The following GRIN1 variants were observed in gnomAD, a reference collection of about 807,000 sequenced individuals.
The protein encoded by GRIN1 is glutamate receptor ionotropic, NMDA 1.
A neutral mutation model predicts 103.0 loss-of-function variants in GRIN1; 38 were observed. The observed-to-expected ratio is 0.37, with a 90% CI of 0.28 to 0.48. The LOEUF (loss-of-function observed/expected upper bound fraction) is 0.48. Among genes scored for constraint, GRIN1 ranks in the 20% least tolerant of loss-of-function variants. The pLI, the probability that GRIN1 is intolerant of heterozygous loss-of-function variation, is 0.98. For synonymous variants in GRIN1, 544 were observed against 532.7 expected, an observed-to-expected ratio of 1.02 and a Z score of -0.29; for missense variants, 577 against 1,288.9, an observed-to-expected ratio of 0.45 and a Z score of 8.46.
At position 137,158,532 on chromosome 9, in the gene GRIN1, G is replaced by A. The variant is rs776292152; in HGVS notation, c.1113+9G>A. 1 of 1,612,300 alleles carries A rather than the reference G, an allele frequency of 6.2e-7. No individual in the cohort carries two copies. The highest frequency in any genetic ancestry group is 1.7e-5 in the Admixed American group (1 of 60,026). On this transcript the variant is annotated intron_variant, in intron 7 of 19. Transcript: ENST00000371561. Reference sequence around the variant, plus strand: ...TCTACAATGGCACCCACGTAGGTGGGGGTCATGAGGGGGTGGGGGCTGGGG... The same window carrying A: ...TCTACAATGGCACCCACGTAGGTGGAGGTCATGAGGGGGTGGGGGCTGGGG...
Position 137,163,788 on chromosome 9 carries a change from G to A in GRIN1, c.2473G>A (p.Val825Met), listed in dbSNP as rs1197590974. 1.2e-6 allele frequency: 2 copies of A among 1,613,706 alleles called. No homozygotes were observed. The highest frequency in any genetic ancestry group is 1.7e-6 in the Non-Finnish European group (2 of 1,179,974). Reference sequence around the variant, plus strand: ...CTTCATGCTGGTAGCTGGGGGCATCGTGGCCGGGATCTTCCTGATTTTCAT... The same window carrying A: ...CTTCATGCTGGTAGCTGGGGGCATCATGGCCGGGATCTTCCTGATTTTCAT... ...GVFMLVAGGIVAGIFLIFIEI... is the reference protein window; with the variant it reads ...GVFMLVAGGIMAGIFLIFIEI... The change falls in exon 18 of 20, where the codon GTG (valine) becomes ATG (methionine). Residue 825 changes from valine to methionine, a missense_variant. Physicochemically the swap from Val to Met is conservative, Grantham distance 21. Around this residue, in one of 9 missense-constraint regions of GRIN1, gnomAD observed 13 missense variants for 100.3 expected, o/e 0.13. Coordinates refer to ENST00000371561, the MANE Select transcript of GRIN1 (RefSeq NM_007327.4).
chr9:137,141,440 A>G (rs1832156111), intron 1 of GRIN1, among the ~76,000 whole-genome samples: 1 of 152,194 alleles, frequency 6.6e-6, no homozygotes, highest in South Asian at 2.1e-4. Flanking sequence ...CTTGAGGATG[A>G]GGCCAGCACT....
At position 137,168,437 on chromosome 9, in the gene GRIN1, C is replaced by A. The variant is rs982176245; in HGVS notation, c.*910C>A. ...TCCTCCAGACTCGAGAGGGCTGAGC[C>A]CCTCCTCTCCTCGTCCGGCCTGCAG... is the stretch of plus-strand genomic sequence containing the variant. On this transcript the variant is annotated 3_prime_UTR_variant, in exon 20 of 20. Transcript: ENST00000371561. 57 of 187,564 alleles carry A rather than the reference C, an allele frequency of 3.0e-4. No individual in the cohort carries two copies. Among genetic ancestry groups the A allele is most frequent in the Non-Finnish European group, 4.3e-5 (4 of 92,876 alleles). The allele number at this position is 187,564 out of a possible 1,614,324, so 11.6% of individuals were successfully genotyped here.
At chr9:137,149,787 C>T (rs916022997) in intron 4 of GRIN1, among the ~76,000 whole-genome samples, 2 of 152,196 alleles carry the variant, frequency 1.3e-5, no homozygotes, top group Admixed American at 6.5e-5. Context: ...GCCAAAACCC[C>T]ACTGTCCCTG....
chr9:137,168,740 T>C lies in GRIN1; in HGVS notation c.*1213T>C, dbSNP rs1203509009. The C allele has an allele frequency of 3.8e-6, 3 of 791,142 alleles. No individual in the cohort carries two copies. Among genetic ancestry groups the C allele is most frequent in the Non-Finnish European group, 5.0e-6 (3 of 596,596 alleles). The allele number at this position is 791,142 out of a possible 1,614,324, so 49.0% of individuals were successfully genotyped here. ...TCCCGGTGTATGCAGTGGTGATGCC[T>C]AAAGGAATGTCACGCAGTTTTCGGT... is the stretch of plus-strand genomic sequence containing the variant. On this transcript the variant is annotated 3_prime_UTR_variant, in exon 20 of 20. Coordinates refer to ENST00000371561, the MANE Select transcript of GRIN1 (RefSeq NM_007327.4).
At position 137,168,241 on chromosome 9, in the gene GRIN1, CG is replaced by C. The variant is rs1438480848; in HGVS notation, c.*717del. On this transcript the variant is annotated 3_prime_UTR_variant, in exon 20 of 20. Coordinates refer to ENST00000371561, the MANE Select transcript of GRIN1 (RefSeq NM_007327.4). ...CCCAGCTGGCTGGGTCGCCCCTCCT[CG>C]GGCGCCTGCGCTCCTCTGCAGCCTG... 15 of 289,282 alleles carry C rather than the reference CG, an allele frequency of 5.2e-5. No homozygotes were observed. The highest frequency in any genetic ancestry group is 3.6e-4 in the Admixed American group (7 of 19,574). The allele number at this position is 289,282 out of a possible 1,614,324, so 17.9% of individuals were successfully genotyped here.
rs374007612 is a variant in GRIN1 at position 137,143,125 on chromosome 9, G to A, written c.393+978G>A. Among the ~76,000 whole-genome samples, 225 of 152,354 alleles carry A rather than the reference G, an allele frequency of 1.5e-3. 1 individual carries two copies. The highest frequency in any genetic ancestry group is 4.7e-3 in the African/African-American group (196 of 41,578). ...AGGGGACATCCAGTTTGGTGCCAGC[G>A]CTGAGGAGCCAGAGGGCTGGGCTGT... is the stretch of plus-strand genomic sequence containing the variant. On this transcript the variant is annotated intron_variant, in intron 2 of 19. Transcript: ENST00000371561.
chr9:137,161,193 C>T lies in GRIN1; in HGVS notation c.1335C>T (p.Gly445=), dbSNP rs370360183. The T allele has an allele frequency of 6.8e-6, 11 of 1,610,086 alleles. No homozygotes were observed. Among genetic ancestry groups the T allele is most frequent in the Admixed American group, 1.7e-5 (1 of 59,734 alleles). Residue 445 remains glycine (G), a synonymous_variant, in exon 9 of 20, where the codon GGC becomes GGT. Transcript: ENST00000371561. ...CCGGGCCCAACGACACGTCGCCGGG[C>T]AGCCGTGAGTGCGCGGGGCAGGGCG... The part of the protein sequence containing the change: ...ICTGPNDTSP[G]SPRHTVPQCC...
chr9:137,154,431 A>ATT (rs1833099408), intron 4 of GRIN1, among the ~76,000 whole-genome samples: 2 of 83,510 alleles, frequency 2.4e-5, no homozygotes, highest in East Asian at 7.3e-4. Flanking sequence ...AGCTCCAACA[A>ATT]CTTTTTTTTT....
chr9:137,149,614 G>C (rs537610265), intron 4 of GRIN1, among the ~76,000 whole-genome samples: 1 of 152,366 alleles, frequency 6.6e-6, no homozygotes, highest in East Asian at 1.9e-4. Context: ...AGCTGCTCTG[G>C]ACAGGTCCGG....
intron 19 of GRIN1, chr9:137,165,557 A>C: frequency 7.9e-6 from 4 of 503,908 alleles, no homozygotes; most frequent in African/African-American, 2.0e-5. Context: ...CATGACCCAC[A>C]CGCCATCTTG....
intron 3 of GRIN1, among the ~76,000 whole-genome samples, chr9:137,148,491 C>G (rs1564348250): frequency 6.6e-6 from 1 of 152,186 alleles, no homozygotes; most frequent in Non-Finnish European, 1.5e-5. Context: ...TCTCCGAGAC[C>G]CCAAGGGTTT....
rs199802957 is a variant in GRIN1 at position 137,156,744 on chromosome 9, C to A, written c.747C>A (p.Val249=). Residue 249 remains valine, a synonymous_variant, in exon 5 of 20, where the codon GTC becomes GTA. Coordinates refer to ENST00000371561, the MANE Select transcript of GRIN1 (RefSeq NM_007327.4). ...NMTGSGYVWL[V]GEREISGNAL... ...CGGGCTCCGGGTACGTGTGGCTGGT[C>A]GGCGAGCGCGAGATCTCGGGGAACG... 2 of 1,585,950 alleles carry A rather than the reference C, an allele frequency of 1.3e-6. No individual in the cohort carries two copies. Among genetic ancestry groups the A allele is most frequent in the Non-Finnish European group, 1.7e-6 (2 of 1,167,636 alleles).
rs1407102734 is a variant in GRIN1, at chr9:137,168,167, GC to G, written c.*644del. ...GGAGGGGCTTGGAGCAGAGACGGCAGCCCCATCCTTCCCGCAGCACCAGCCT... is the reference window on the plus strand; with the variant it reads ...GGAGGGGCTTGGAGCAGAGACGGCAGCCCATCCTTCCCGCAGCACCAGCCT... On this transcript the variant is annotated 3_prime_UTR_variant, in exon 20 of 20. Transcript: ENST00000371561. 1 of 458,730 alleles carries G rather than the reference GC, an allele frequency of 2.2e-6. No homozygotes were observed. The highest frequency in any genetic ancestry group is 3.9e-6 in the Non-Finnish European group (1 of 253,896). 28.4% of individuals were successfully genotyped at this position (458,730 alleles called of 1,614,324 possible).
chr9:137,143,956 A>G (rs935416674), intron 2 of GRIN1, among the ~76,000 whole-genome samples: 2 of 152,220 alleles, frequency 1.3e-5, no homozygotes, highest in African/African-American at 4.8e-5. Flanking sequence ...AAGCCAGGAA[A>G]AGCAAGCCAG....
At position 137,149,591 on chromosome 9, in the gene GRIN1, A is replaced by G. The variant is rs1832725679; in HGVS notation, c.671+482A>G. ...TAGCTTAGGGGGAAATCAGTTAGGT[A>G]CCCGGGAAATCAAGCTGCTCTGGAC... On this transcript the variant is annotated intron_variant, in intron 4 of 19. Coordinates refer to ENST00000371561, the MANE Select transcript of GRIN1 (RefSeq NM_007327.4). Among the ~76,000 whole-genome samples, 3 of 152,198 alleles carry G rather than the reference A, an allele frequency of 2.0e-5. No homozygotes were observed. In the East Asian group the frequency reaches 5.8e-4, roughly 29 times the overall value.
intron 2 of GRIN1, among the ~76,000 whole-genome samples, chr9:137,143,360 A>G (rs1221061478): frequency 6.6e-6 from 1 of 152,232 alleles, no homozygotes; most frequent in Non-Finnish European, 1.5e-5. Flanking sequence ...CCCCCTCGGC[A>G]CCCAAACTGC....
intron 2 of GRIN1, among the ~76,000 whole-genome samples, chr9:137,142,704 G>A (rs1832242783): frequency 6.6e-6 from 1 of 152,212 alleles, no homozygotes; most frequent in Non-Finnish European, 1.5e-5. Flanking sequence ...AGAGCTGGGG[G>A]TTGCTCCAGG....
chr9:137,152,881 T>C (rs1020282179), intron 4 of GRIN1, among the ~76,000 whole-genome samples: 2 of 151,908 alleles, frequency 1.3e-5, no homozygotes, highest in East Asian at 3.9e-4. Flanking sequence ...TGCAGAATCA[T>C]GTACAGGTCA....
Sources: allele counts gnomAD v4.1 joint callset (sites outside exome capture counted in the v4.1 genomes callset), GRCh38; gene constraint gnomAD v4.1.1; regional missense constraint gnomAD v4.1.1; transcripts MANE v1.5; gene names NCBI Gene and HGNC (gene_info 2026-07-23, HGNC 2026-07-21).